Variants in MYO16 observed in about 807,000 individuals in gnomAD.
MYO16 encodes the protein unconventional myosin-XVI.
MYO16 carries 94 observed loss-of-function variants against 205.3 expected under a neutral mutation model. The observed-to-expected ratio is 0.46, with a 90% confidence interval of 0.39 to 0.54. The LOEUF (loss-of-function observed/expected upper bound fraction) is 0.54, where lower values mean the gene tolerates loss of function less well. Ranked by LOEUF, MYO16 falls within the 20% of genes least tolerant of loss-of-function variation. MYO16 has a pLI of 0.00. For missense variants in MYO16, 2,315 were observed against 2,387.5 expected, an observed-to-expected ratio of 0.97 and a Z score of 0.63; for synonymous variants, 988 against 954.0, an observed-to-expected ratio of 1.04 and a Z score of -0.66.
Position 108,629,849 on chromosome 13 carries a change from C to G in MYO16, c.5C>G (p.Ser2Cys). 1 of 1,529,308 alleles carries G rather than the reference C, an allele frequency of 6.5e-7. No homozygotes were observed. Among genetic ancestry groups the G allele is most frequent in the East Asian group, 2.5e-5 (1 of 40,704 alleles). The allele number at this position is 1,529,308 out of a possible 1,614,324, so 94.7% of individuals were successfully genotyped here. The change falls in exon 1 of 35, where the codon TCT becomes TGT. Residue 2 changes from serine to cysteine, a missense_variant. By Grantham distance (112) the Ser-to-Cys change is moderately radical. Around this residue, in one of 3 missense-constraint regions of MYO16, gnomAD observed 1,213 missense variants for 1,274.4 expected, o/e 0.95. Transcript: ENST00000457511. ...ATTCCTGTCTGAGATGGAAAGATGTCTCACTATCATTTTATCAAGTGCTGT... is the reference window on the plus strand; with the variant it reads ...ATTCCTGTCTGAGATGGAAAGATGTGTCACTATCATTTTATCAAGTGCTGT... M[S>C]HYHFIKCCCF...
At chr13:108,819,347 A>C (rs1297555612) in intron 7 of MYO16, among the ~76,000 whole-genome samples, 1 of 152,194 alleles carries the variant, frequency 6.6e-6, no homozygotes, top group Non-Finnish European at 1.5e-5. Context: ...AGCCATGAAA[A>C]CAAGGCCCGC....
At chr13:108,738,621 G>T (rs1422579725) in intron 4 of MYO16, among the ~76,000 whole-genome samples, 1 of 152,144 alleles carries the variant, frequency 6.6e-6, no homozygotes, top group Non-Finnish European at 1.5e-5. Context: ...CTGTTGATTC[G>T]GGGTGAAGAG....
intron 28 of MYO16, among the ~76,000 whole-genome samples, chr13:109,104,528 G>T (rs1172280872): frequency 6.6e-6 from 1 of 152,130 alleles, no homozygotes; most frequent in Non-Finnish European, 1.5e-5. Context: ...GAAGGAAAAG[G>T]AGGAGTAAGG....
chr13:109,022,337 A>G (rs1348317827), intron 23 of MYO16, among the ~76,000 whole-genome samples: 1 of 111,934 alleles, frequency 8.9e-6, no homozygotes, highest in African/African-American at 3.3e-5. Flanking sequence ...ATATATTTAT[A>G]TATTATATAC....
the MYO16 span, among the ~76,000 whole-genome samples, chr13:108,585,168 C>A: frequency 2.0e-5 from 3 of 152,206 alleles, no homozygotes; most frequent in African/African-American, 7.2e-5. Flanking sequence ...GTGACCATGG[C>A]CCGTGACACA....
intron 1 of MYO16, among the ~76,000 whole-genome samples, chr13:108,633,864 A>T (rs1419709769): frequency 6.6e-6 from 1 of 152,110 alleles, no homozygotes; most frequent in Non-Finnish European, 1.5e-5. Flanking sequence ...GCAATGCACT[A>T]ACACACCCAG....
chr13:108,912,216 T>C (rs1881298649), intron 16 of MYO16, among the ~76,000 whole-genome samples: 1 of 152,156 alleles, frequency 6.6e-6, no homozygotes, highest in South Asian at 2.1e-4. Context: ...AGAGAATGAA[T>C]TGGCCTAATT....
intron 27 of MYO16, among the ~76,000 whole-genome samples, chr13:109,068,573 C>T (rs1887825212): frequency 6.6e-6 from 1 of 150,850 alleles, no homozygotes; most frequent in South Asian, 2.1e-4. Context: ...CTTCTGGGAC[C>T]ACTGATAAGC....
At chr13:109,193,544 T>A (rs530597236) in intron 34 of MYO16, among the ~76,000 whole-genome samples, 1 of 152,360 alleles carries the variant, frequency 6.6e-6, no homozygotes, top group East Asian at 1.9e-4. Context: ...TTACACACGA[T>A]TAAATAACAT....
chr13:108,518,018 T>A, the MYO16 span, among the ~76,000 whole-genome samples: 25 of 152,282 alleles, frequency 1.6e-4, no homozygotes, highest in African/African-American at 5.3e-4. Flanking sequence ...CCTCCTAATG[T>A]TATCCTGTTG....
At chr13:109,001,352 C>A (rs937328716) in intron 21 of MYO16, among the ~76,000 whole-genome samples, 1 of 152,074 alleles carries the variant, frequency 6.6e-6, no homozygotes, top group African/African-American at 2.4e-5. Flanking sequence ...ATGTGGGGCT[C>A]TGGTAAGGAA....
chr13:108,945,992 A>C lies in MYO16; in HGVS notation c.1926-11696A>C, dbSNP rs1882924688. On this transcript the variant is annotated intron_variant, in intron 16 of 34. Transcript: ENST00000457511. ...CCAGACTTCTGAGCTGTGTACCTGG[A>C]AGGTGCGTCTGTGTGCCTGGGGGTA... Among the ~76,000 whole-genome samples, 2 of 152,144 alleles carry C rather than the reference A, an allele frequency of 1.3e-5. 1 individual carries two copies. Among genetic ancestry groups the C allele is most frequent in the Non-Finnish European group, 2.9e-5 (2 of 68,038 alleles).
chr13:108,656,530 A>G (rs1321413559), intron 1 of MYO16, among the ~76,000 whole-genome samples: 3 of 152,192 alleles, frequency 2.0e-5, no homozygotes, highest in African/African-American at 7.2e-5. Flanking sequence ...TCCATATTCC[A>G]AATGTCTGAG....
intron 4 of MYO16, among the ~76,000 whole-genome samples, chr13:108,740,561 C>A (rs1164646753): frequency 6.6e-6 from 1 of 152,214 alleles, no homozygotes. Context: ...GGGTTCCTCC[C>A]AGTTAGGCTA....
At chr13:109,154,076 G>C (rs1236472762) in intron 32 of MYO16, among the ~76,000 whole-genome samples, 1 of 152,240 alleles carries the variant, frequency 6.6e-6, no homozygotes, top group Non-Finnish European at 1.5e-5. Context: ...CAAAGACACG[G>C]TCCATGTAGC....
intron 1 of MYO16, among the ~76,000 whole-genome samples, chr13:108,656,786 A>T (rs780510742): frequency 2.0e-5 from 3 of 152,218 alleles, no homozygotes; most frequent in Non-Finnish European, 4.4e-5. Flanking sequence ...TTCATACTGA[A>T]CCTTTCACCA....
At chr13:108,661,049 T>G (rs1001458890) in intron 1 of MYO16, among the ~76,000 whole-genome samples, 2 of 152,134 alleles carry the variant, frequency 1.3e-5, no homozygotes, top group Admixed American at 1.3e-4. Flanking sequence ...TGATGCTTGG[T>G]TTCTCTGGAT....
intron 1 of MYO16, among the ~76,000 whole-genome samples, chr13:108,637,629 C>T (rs577008130): frequency 1.6e-4 from 25 of 152,214 alleles, no homozygotes; most frequent in Non-Finnish European, 2.8e-4. Context: ...AATCCCAGCA[C>T]TTTGGGAGGC....
At chr13:108,639,013 G>A (rs1880383973) in intron 1 of MYO16, among the ~76,000 whole-genome samples, 1 of 152,180 alleles carries the variant, frequency 6.6e-6, no homozygotes, top group African/African-American at 2.4e-5. Flanking sequence ...CAAAGAGATG[G>A]AGAAAGAAGA....
Sources: allele counts gnomAD v4.1 joint callset (sites outside exome capture counted in the v4.1 genomes callset), GRCh38; gene constraint gnomAD v4.1.1; regional missense constraint gnomAD v4.1.1; transcripts MANE v1.5; gene names NCBI Gene and HGNC (gene_info 2026-07-23, HGNC 2026-07-21).